CEMIP2: variants seen among roughly 807,000 people sequenced by gnomAD.
CEMIP2 encodes the protein cell migration inducing hyaluronidase 2.
CEMIP2 carries 79 observed loss-of-function variants against 146.9 expected under a neutral mutation model. The ratio of observed to expected loss-of-function variants is 0.54; its 90% confidence interval spans 0.45 to 0.65. The LOEUF (loss-of-function observed/expected upper bound fraction) is 0.65, where lower values mean the gene tolerates loss of function less well. Among genes scored for constraint, CEMIP2 ranks in the 30% least tolerant of loss-of-function variants. The pLI is 0.00. For synonymous variants in CEMIP2, 601 were observed against 606.3 expected, an observed-to-expected ratio of 0.99 and a Z score of 0.13; for missense variants, 1,596 against 1,696.2, an observed-to-expected ratio of 0.94 and a Z score of 1.04.
intron 1 of CEMIP2, among the ~76,000 whole-genome samples, chr9:71,767,309 C>T (rs954388963): frequency 2.6e-5 from 4 of 152,170 alleles, no homozygotes; most frequent in African/African-American, 9.7e-5. Flanking sequence ...AAATTCTTCT[C>T]ACTTTTTACC....
At chr9:71,718,931 T>A (rs1031012437) in intron 12 of CEMIP2, among the ~76,000 whole-genome samples, 1 of 152,132 alleles carries the variant, frequency 6.6e-6, no homozygotes, top group Non-Finnish European at 1.5e-5. Flanking sequence ...CCTTTTCTTT[T>A]TCTTCTCTCT....
chr9:71,692,564 A>AT (rs1364099976), intron 21 of CEMIP2, among the ~76,000 whole-genome samples: 1 of 152,034 alleles, frequency 6.6e-6, no homozygotes, highest in Non-Finnish European at 1.5e-5. Context: ...TCACGGGTGT[A>AT]TTACAAAATG....
At chr9:71,766,709 TA>T (rs1323972885) in intron 1 of CEMIP2, among the ~76,000 whole-genome samples, 3 of 152,254 alleles carry the variant, frequency 2.0e-5, no homozygotes, top group African/African-American at 7.2e-5. Flanking sequence ...TTACAGATTC[TA>T]TTTCCCTGTC....
chr9:71,688,846 A>C (rs1822147571), intron 22 of CEMIP2, among the ~76,000 whole-genome samples: 2 of 152,176 alleles, frequency 1.3e-5, no homozygotes, highest in South Asian at 4.1e-4. Flanking sequence ...ACACGTGCTC[A>C]GTCTCCCTAG....
chr9:71,758,305 G>A (rs541596841), intron 1 of CEMIP2, among the ~76,000 whole-genome samples: 1 of 152,276 alleles, frequency 6.6e-6, no homozygotes, highest in African/African-American at 2.4e-5. Flanking sequence ...GCCACCTGAA[G>A]GTTCACTGAA....
intron 1 of CEMIP2, among the ~76,000 whole-genome samples, chr9:71,755,186 CTTTTTTTT>C (rs34989743): frequency 7.8e-6 from 1 of 127,814 alleles, no homozygotes; most frequent in South Asian, 2.5e-4. Flanking sequence ...GGAAATCATG[CTTTTTTTT>C]TTTTTTTTTT....
At chr9:71,749,341 ATAT>A (rs1311451733) in intron 2 of CEMIP2, among the ~76,000 whole-genome samples, 5 of 151,958 alleles carry the variant, frequency 3.3e-5, no homozygotes, top group African/African-American at 4.8e-5. Flanking sequence ...ACAAACACAA[ATAT>A]TATTATTTTT....
At chr9:71,711,946 A>C in intron 16 of CEMIP2, 137 bp downstream of exon 16, 2 of 846,176 alleles carry the variant, frequency 2.4e-6, no homozygotes, top group Non-Finnish European at 3.6e-6. Context: ...GCATGGAATT[A>C]GGAGCTGGCT....
intron 5 of CEMIP2, among the ~76,000 whole-genome samples, chr9:71,738,385 C>T (rs1015242758): frequency 5.3e-5 from 8 of 151,204 alleles, no homozygotes; most frequent in East Asian, 2.0e-4. Flanking sequence ...CGTGGTGGCA[C>T]GCACCTGTAA....
Position 71,698,210 on chromosome 9 carries a change from C to A in CEMIP2, c.3378-6G>T, listed in dbSNP as rs1822457661. On this transcript the variant is annotated splice_polypyrimidine_tract_variant and splice_region_variant and intron_variant, in intron 19 of 23. Coordinates refer to ENST00000377044, the MANE Select transcript of CEMIP2 (RefSeq NM_013390.3). ...TGAGATACAAAAACAGTAACCTGCA[C>A]AAAACAGAAACCAATCCATGTAGTT... 1 of 1,613,254 alleles carries A rather than the reference C, an allele frequency of 6.2e-7. No homozygotes were observed. The highest frequency in any genetic ancestry group is 2.2e-5 in the East Asian group (1 of 44,862).
chr9:71,699,710 C>T (rs762192756), intron 19 of CEMIP2, among the ~76,000 whole-genome samples: 9 of 152,104 alleles, frequency 5.9e-5, no homozygotes, highest in South Asian at 4.2e-4. Context: ...TTCTACCATG[C>T]CCCCATGCAT....
At chr9:71,730,979 G>A in intron 7 of CEMIP2, 65 bp from the exon 8 acceptor site, 1 of 1,326,118 alleles carries the variant, frequency 7.5e-7, no homozygotes, top group East Asian at 2.4e-5. Context: ...AAAAAATATT[G>A]TTCTAGTAGA....
At chr9:71,724,337 A>G (rs1823323310) in intron 11 of CEMIP2, among the ~76,000 whole-genome samples, 1 of 152,158 alleles carries the variant, frequency 6.6e-6, no homozygotes, top group African/African-American at 2.4e-5. Context: ...GGTGCTTTTT[A>G]TACCATTTAC....
intron 11 of CEMIP2, among the ~76,000 whole-genome samples, chr9:71,724,383 C>T (rs970086055): frequency 6.6e-6 from 1 of 152,142 alleles, no homozygotes; most frequent in Non-Finnish European, 1.5e-5. Context: ...CTATGAAATG[C>T]TATTTTCAAT....
At position 71,730,989 on chromosome 9, in the gene CEMIP2, A is replaced by G. The variant is rs1056797776; in HGVS notation, c.1564-75T>C. On this transcript the variant is annotated intron_variant, in intron 7 of 23. Coordinates refer to ENST00000377044, the MANE Select transcript of CEMIP2 (RefSeq NM_013390.3). ...GTAGCAAAAAATATTGTTCTAGTAG[A>G]AAACATCCAAAGGAGAATACTTATT... 19 of 1,191,996 alleles carry G rather than the reference A, an allele frequency of 1.6e-5. No homozygotes were observed. In the African/African-American group the frequency reaches 2.0e-4, roughly 12 times the overall value. 73.8% of individuals were successfully genotyped at this position (1,191,996 alleles called of 1,614,324 possible).
chr9:71,697,960 C>A (rs1394625693), intron 20 of CEMIP2, 25 bp downstream of exon 20: 1 of 1,603,414 alleles, frequency 6.2e-7, no homozygotes, highest in Admixed American at 1.7e-5. Flanking sequence ...TCCTTGGCCA[C>A]AGACCACTTT....
rs1225263704 is a variant in CEMIP2 at position 71,690,222 on chromosome 9, G to T, written c.3721C>A (p.Arg1241=). The change falls in exon 22 of 24, where the codon CGA becomes AGA. Residue 1241 remains arginine (R), a synonymous_variant. Transcript: ENST00000377044. ...ISVNGTDFTF[R]SAGVLLLVVD... is the part of the protein sequence containing the mutation. ...ACAAGGAGGAGGACGCCTGCACTTC[G>T]GAAGGTAAAGTCAGTGCCATTGACC... 1 of 1,614,056 alleles carries T rather than the reference G, an allele frequency of 6.2e-7. No individual in the cohort carries two copies. The highest frequency in any genetic ancestry group is 1.7e-5 in the Admixed American group (1 of 60,010).
intron 20 of CEMIP2, among the ~76,000 whole-genome samples, chr9:71,694,953 T>C (rs1822350782): frequency 6.6e-6 from 1 of 152,312 alleles, no homozygotes; most frequent in Admixed American, 6.5e-5. Context: ...TTTCAGACCA[T>C]GGTCCCTCAG....
At chr9:71,766,473 G>A (rs1824801134) in intron 1 of CEMIP2, among the ~76,000 whole-genome samples, 1 of 152,106 alleles carries the variant, frequency 6.6e-6, no homozygotes, top group East Asian at 1.9e-4. Flanking sequence ...TCAAGATAAT[G>A]GCCCACAAGA....
Sources: gnomAD v4.1 joint callset for allele counts (sites outside exome capture counted in the v4.1 genomes callset) on GRCh38, gnomAD v4.1.1 for gene constraint, MANE v1.5 for transcripts, NCBI Gene and HGNC (gene_info 2026-07-23, HGNC 2026-07-21) for gene names.